Variants in TAF4 observed in about 807,000 individuals in gnomAD.
TAF4 encodes TATA-box binding protein associated factor 4.
In TAF4, 9 loss-of-function variants were observed where a neutral mutation model predicts 90.3. The ratio of observed to expected loss-of-function variants is 0.10; its 90% CI spans 0.06 to 0.17. TAF4 has a LOEUF of 0.17. TAF4 is among the 10% of genes least tolerant of loss of function. The pLI is 1.00. For missense variants in TAF4, 1,351 were observed against 1,370.7 expected, an observed-to-expected ratio of 0.99 and a Z score of 0.23; for synonymous variants, 818 against 638.9, an observed-to-expected ratio of 1.28 and a Z score of -4.23.
chr20:62,004,330 T>TTTC (rs1271897475), intron 7 of TAF4, among the ~76,000 whole-genome samples: 17 of 134,158 alleles, frequency 1.3e-4, no homozygotes, highest in East Asian at 4.2e-4. Flanking sequence ...TTTCTTTTCT[T>TTTC]TTTTTTTTTT....
intron 1 of TAF4, among the ~76,000 whole-genome samples, chr20:62,052,038 G>A (rs1040910513): frequency 2.0e-5 from 3 of 152,128 alleles, no homozygotes; most frequent in African/African-American, 7.2e-5. Flanking sequence ...ATGACAGGAA[G>A]GCCACCTTCC....
chr20:62,001,383 T>C (rs1164116772), intron 9 of TAF4, among the ~76,000 whole-genome samples: 1 of 152,228 alleles, frequency 6.6e-6, no homozygotes, highest in Non-Finnish European at 1.5e-5. Context: ...TCCTGACTCC[T>C]GGGCTGCCCC....
At chr20:62,019,338 C>G (rs116017505) in intron 1 of TAF4, among the ~76,000 whole-genome samples, 82 of 152,354 alleles carry the variant, frequency 5.4e-4, no homozygotes, top group African/African-American at 1.9e-3. Context: ...CCTGCCCGCT[C>G]CCCGGGCGCA....
At chr20:62,013,735 G>A (rs996877577) in intron 2 of TAF4, among the ~76,000 whole-genome samples, 2 of 152,244 alleles carry the variant, frequency 1.3e-5, no homozygotes, top group African/African-American at 4.8e-5. Context: ...AACACGGCAG[G>A]AGACGGGGCA....
chr20:62,014,841 C>A, intron 1 of TAF4, 134 bp from the exon 2 acceptor site: 1 of 1,226,150 alleles, frequency 8.2e-7, no homozygotes, highest in Non-Finnish European at 1.1e-6. Context: ...CACGAATCCC[C>A]CAAACTCAAA....
At chr20:62,026,766 C>T (rs2055877224) in intron 1 of TAF4, among the ~76,000 whole-genome samples, 1 of 152,210 alleles carries the variant, frequency 6.6e-6, no homozygotes, top group South Asian at 2.1e-4. Flanking sequence ...CCACGGCTTG[C>T]TGCCGCCCCG....
At chr20:61,990,889 G>A (rs369823183) in intron 14 of TAF4, among the ~76,000 whole-genome samples, 6 of 152,296 alleles carry the variant, frequency 3.9e-5, no homozygotes, top group East Asian at 1.9e-4. Flanking sequence ...TGCAAACCAC[G>A]TGTCCTGTTA....
intron 5 of TAF4, 138 bp from the exon 6 acceptor site, chr20:62,007,774 C>T (rs1191735563): frequency 1.6e-5 from 12 of 756,114 alleles, no homozygotes; most frequent in Non-Finnish European, 2.5e-5. Flanking sequence ...GGAAAGTCTG[C>T]GTGCTACACC....
intron 1 of TAF4, among the ~76,000 whole-genome samples, chr20:62,050,709 C>T (rs772933478): frequency 2.0e-5 from 3 of 152,160 alleles, no homozygotes; most frequent in African/African-American, 4.8e-5. Context: ...GCTGATAGGA[C>T]GGGCATCTAG....
At chr20:62,012,609 A>G (rs1200481261) in intron 3 of TAF4, 1 of 577,392 alleles carries the variant, frequency 1.7e-6, no homozygotes, top group Non-Finnish European at 2.6e-6. Context: ...ACTAAAAAAA[A>G]GAAAAAAGAA....
chr20:62,014,166 C>T (rs985610446), intron 2 of TAF4, among the ~76,000 whole-genome samples: 5 of 152,022 alleles, frequency 3.3e-5, no homozygotes, highest in Admixed American at 2.0e-4. Flanking sequence ...TGGTGGCGGT[C>T]CTGCCAGTGG....
intron 14 of TAF4, among the ~76,000 whole-genome samples, chr20:61,982,198 C>T (rs1362112965): frequency 2.8e-5 from 3 of 106,812 alleles, no homozygotes; most frequent in African/African-American, 7.3e-5. Context: ...ACCCACACCC[C>T]ACCCGAGAGG....
In TAF4 at chr20:62,000,133, A is replaced by T. The variant is rs1337012582; in HGVS notation, c.2778T>A (p.Phe926Leu). 1.2e-6 allele frequency: 2 copies of T among 1,614,132 alleles called. No individual in the cohort carries two copies. The highest frequency in any genetic ancestry group is 3.3e-5 in the Admixed American group (2 of 60,008). ...KISETAQQKNFSYKDDDRYEQ... is the reference protein window; with the variant it reads ...KISETAQQKNLSYKDDDRYEQ... Reference sequence around the variant, plus strand: ...GCAAACAGCCTGTTACCTTGTAAGAAAAGTTCTTCTGCTGAGCTGTTTCTG... The same window carrying T: ...GCAAACAGCCTGTTACCTTGTAAGATAAGTTCTTCTGCTGAGCTGTTTCTG... The change falls in exon 11 of 15, where the codon TTT (phenylalanine) becomes TTA (leucine). Residue 926 changes from phenylalanine to leucine, a missense_variant. This residue lies in a region of TAF4 where 95 missense variants were observed against 151.3 expected (regional missense o/e 0.63). Transcript: ENST00000252996.
At chr20:61,994,160 C>T (rs754965580) in intron 14 of TAF4, among the ~76,000 whole-genome samples, 2 of 151,470 alleles carry the variant, frequency 1.3e-5, no homozygotes, top group Non-Finnish European at 2.9e-5. Flanking sequence ...AAAAGTAAGT[C>T]CTTAACTCTA....
At position 62,010,065 on chromosome 20, in the gene TAF4, G is replaced by A; in HGVS notation, c.1742C>T (p.Thr581Ile). Reference sequence around the variant, plus strand: ...TCTTACCGTGGCAGCTGAGGAAGTGGTGGTCGCCCCTGGTACCGTGCGCTG... The same window carrying A: ...TCTTACCGTGGCAGCTGAGGAAGTGATGGTCGCCCCTGGTACCGTGCGCTG... ...TPQRTVPGAT[T>I]TSSAATETME... The change falls in exon 4 of 15, where the codon ACC (threonine) becomes ATC (isoleucine). Residue 581 changes from threonine (T) to isoleucine (I), a missense_variant. Around this residue, in one of 9 missense-constraint regions of TAF4, gnomAD observed 44 missense variants for 97.4 expected, o/e 0.45. Transcript: ENST00000252996. The surrounding 1 kb of genome is among the most constrained non-coding windows in gnomAD (Gnocchi z 4.5). 6.2e-7 allele frequency: 1 copy of A among 1,613,592 alleles called. No homozygotes were observed. The highest frequency in any genetic ancestry group is 8.5e-7 in the Non-Finnish European group (1 of 1,179,986).
rs185319079 is a variant in TAF4 at position 62,045,620 on chromosome 20, C to T, written c.1360+18831G>A. On this transcript the variant is annotated intron_variant, in intron 1 of 14. Coordinates refer to ENST00000252996, the MANE Select transcript of TAF4 (RefSeq NM_003185.4). ...AATTTTCTAGGATGAGTACGTACTA[C>T]TCAGAAAGAAAATAACTATTTAAAA... 4.9e-4 allele frequency among the ~76,000 whole-genome samples: 75 copies of T among 152,324 alleles called. 1 individual carries two copies. The highest frequency in any genetic ancestry group is 8.5e-4 in the Non-Finnish European group (58 of 68,038).
intron 14 of TAF4, among the ~76,000 whole-genome samples, chr20:61,986,461 C>T (rs1258558541): frequency 2.0e-5 from 3 of 149,904 alleles, no homozygotes; most frequent in Non-Finnish European, 3.0e-5. Flanking sequence ...AACACCATCC[C>T]CAATCAAAGG....
rs1265688183 is a variant in TAF4 at position 62,064,875 on chromosome 20, G to A, written c.936C>T (p.Ala312=). ...CCCCGGCGGCCGGGGCGGGGGCGGG[G>A]GCTGCCCCGGCGCTGCCCCCGTTCT... The part of the protein sequence containing the change: ...AAQNGGSAGA[A]PAPAPAAGGP... The change falls in exon 1 of 15, where the codon GCC becomes GCT. Residue 312 remains alanine (A), a synonymous_variant. Transcript: ENST00000252996. 5 of 919,808 alleles carry A rather than the reference G, an allele frequency of 5.4e-6. No homozygotes were observed. The highest frequency in any genetic ancestry group is 1.2e-4 in the East Asian group (1 of 8,106). 57.0% of individuals were successfully genotyped at this position (919,808 alleles called of 1,614,324 possible).
chr20:62,047,702 C>T (rs2056001297), intron 1 of TAF4, among the ~76,000 whole-genome samples: 1 of 152,230 alleles, frequency 6.6e-6, no homozygotes, highest in Non-Finnish European at 1.5e-5. Context: ...GCCGTGAGCG[C>T]AGAGCGCACC....
Sources: allele counts gnomAD v4.1 joint callset (sites outside exome capture counted in the v4.1 genomes callset), GRCh38; gene constraint gnomAD v4.1.1; regional missense constraint gnomAD v4.1.1; non-coding constraint Gnocchi (gnomAD v3.1); transcripts MANE v1.5; gene names NCBI Gene and HGNC (gene_info 2026-07-23, HGNC 2026-07-21).